CDKAL1: variants seen among roughly 807,000 people sequenced by gnomAD.
The protein encoded by CDKAL1 is CDKAL1 threonylcarbamoyladenosine tRNA methylthiotransferase, also known as threonylcarbamoyladenosine tRNA methylthiotransferase.
In CDKAL1, 32 loss-of-function variants were observed where a neutral mutation model predicts 68.2. The observed-to-expected ratio is 0.47, with a 90% CI of 0.35 to 0.63. The LOEUF (loss-of-function observed/expected upper bound fraction) is 0.63. CDKAL1 is among the 30% of genes least tolerant of loss of function. The probability of loss-of-function intolerance (pLI) is 0.00; values close to 1 mark genes in which losing one functional copy is unlikely to be tolerated. For synonymous variants in CDKAL1, 234 were observed against 244.3 expected (o/e 0.96, Z 0.39); for missense variants, 606 against 696.7 (o/e 0.87, Z 1.47).
chr6:21,107,266 TAACTAGTTGGCTGTAATAAGAG>T lies in CDKAL1; in HGVS notation c.1237-1131_1237-1110del, dbSNP rs541407872. ...CCGGCCAAAAAAGCCACTTTTATAT[TAACTAGTTGGCTGTAATAAGAG>T]AACCTCATACTTCTTGGTTGTCACA... On this transcript the variant is annotated intron_variant, in intron 12 of 15. Coordinates refer to ENST00000274695, the MANE Select transcript of CDKAL1 (RefSeq NM_017774.3). Among the ~76,000 whole-genome samples, 784 of 151,936 alleles carry T rather than the reference TAACTAGTTGGCTGTAATAAGAG, an allele frequency of 5.2e-3. 7 individuals carry two copies. Among genetic ancestry groups the T allele is most frequent in the African/African-American group, 0.018 (746 of 41,450 alleles).
At chr6:20,853,798 T>C (rs1343416921) in intron 9 of CDKAL1, among the ~76,000 whole-genome samples, 1 of 152,156 alleles carries the variant, frequency 6.6e-6, no homozygotes, top group Non-Finnish European at 1.5e-5. Context: ...AATTTTTTGG[T>C]TGAAGCTGTA....
intron 15 of CDKAL1, among the ~76,000 whole-genome samples, chr6:21,226,503 G>A (rs1457160930): frequency 2.6e-5 from 4 of 152,144 alleles, no homozygotes; most frequent in Non-Finnish European, 5.9e-5. Flanking sequence ...ATGCACGATG[G>A]GAATTTTAGT....
intron 8 of CDKAL1, among the ~76,000 whole-genome samples, chr6:20,826,181 C>T (rs910290934): frequency 6.6e-6 from 1 of 152,120 alleles, no homozygotes; most frequent in South Asian, 2.1e-4. Flanking sequence ...CTCATGGGCT[C>T]AACCTAGGTG....
At chr6:21,096,755 TATAAC>T (rs1227240834) in intron 12 of CDKAL1, among the ~76,000 whole-genome samples, 1 of 152,218 alleles carries the variant, frequency 6.6e-6, no homozygotes, top group Non-Finnish European at 1.5e-5. Context: ...TTAAAAAATT[TATAAC>T]ATAGCAGAAC....
chr6:20,964,145 A>G (rs958379426), intron 10 of CDKAL1, among the ~76,000 whole-genome samples: 1 of 152,246 alleles, frequency 6.6e-6, no homozygotes, highest in Non-Finnish European at 1.5e-5. Flanking sequence ...CTATTATTAA[A>G]AAGTCAAAAA....
chr6:21,001,242 C>T (rs1382535375), intron 11 of CDKAL1, among the ~76,000 whole-genome samples: 1 of 151,980 alleles, frequency 6.6e-6, no homozygotes, highest in East Asian at 1.9e-4. Context: ...TTTTTATTTC[C>T]ATCGTCTTGT....
At chr6:21,044,329 G>C (rs1260919899) in intron 11 of CDKAL1, among the ~76,000 whole-genome samples, 2 of 152,026 alleles carry the variant, frequency 1.3e-5, no homozygotes, top group Non-Finnish European at 2.9e-5. Flanking sequence ...CTGCTTTCTT[G>C]CCTCTTACTT....
intron 5 of CDKAL1, among the ~76,000 whole-genome samples, chr6:20,683,529 C>A (rs1259154470): frequency 6.6e-6 from 1 of 152,132 alleles, no homozygotes; most frequent in Non-Finnish European, 1.5e-5. Flanking sequence ...TCTTTTATTT[C>A]TCTCACAGTG....
At chr6:20,931,629 T>C (rs972094402) in intron 9 of CDKAL1, among the ~76,000 whole-genome samples, 1 of 152,164 alleles carries the variant, frequency 6.6e-6, no homozygotes, top group African/African-American at 2.4e-5. Flanking sequence ...CACAGTAATA[T>C]TGGGAAAAAA....
At chr6:20,999,239 T>A (rs1767289791) in intron 10 of CDKAL1, among the ~76,000 whole-genome samples, 1 of 152,154 alleles carries the variant, frequency 6.6e-6, no homozygotes, top group Non-Finnish European at 1.5e-5. Context: ...CTTTTCTTTT[T>A]CTTTTTTTCT....
chr6:21,205,011 T>C (rs1778842125), intron 15 of CDKAL1, among the ~76,000 whole-genome samples: 1 of 152,240 alleles, frequency 6.6e-6, no homozygotes, highest in Admixed American at 6.5e-5. Context: ...ATTTGATTAC[T>C]TTTGGTACCT....
intron 13 of CDKAL1, among the ~76,000 whole-genome samples, chr6:21,185,116 T>C (rs940355388): frequency 6.6e-6 from 1 of 152,134 alleles, no homozygotes; most frequent in African/African-American, 2.4e-5. Flanking sequence ...GTTGCAGTGG[T>C]TCCTATCTAC....
chr6:20,872,196 A>G (rs1760258274), intron 9 of CDKAL1, among the ~76,000 whole-genome samples: 1 of 152,198 alleles, frequency 6.6e-6, no homozygotes. Context: ...TTAGAACAGC[A>G]ATATGAATAA....
chr6:21,061,759 A>G (rs1469341961), intron 11 of CDKAL1, among the ~76,000 whole-genome samples: 1 of 152,196 alleles, frequency 6.6e-6, no homozygotes, highest in Non-Finnish European at 1.5e-5. Context: ...GAATGTAAGT[A>G]GGATCATTTG....
intron 9 of CDKAL1, among the ~76,000 whole-genome samples, chr6:20,926,384 G>A (rs555024668): frequency 1.3e-5 from 2 of 152,090 alleles, no homozygotes; most frequent in African/African-American, 4.8e-5. Flanking sequence ...TTACACTGTG[G>A]AGAAATTCAG....
chr6:20,830,612 T>C (rs1020162918), intron 8 of CDKAL1, among the ~76,000 whole-genome samples: 8 of 152,134 alleles, frequency 5.3e-5, no homozygotes, highest in African/African-American at 1.9e-4. Flanking sequence ...ATGGGTAATG[T>C]TCTACCACTG....
intron 11 of CDKAL1, among the ~76,000 whole-genome samples, chr6:21,063,844 A>T (rs1771273102): frequency 6.6e-6 from 1 of 152,214 alleles, no homozygotes; most frequent in Non-Finnish European, 1.5e-5. Context: ...TTCAAAAGAA[A>T]GGAGTCCCTG....
chr6:20,813,237 G>T (rs763562042), intron 8 of CDKAL1, among the ~76,000 whole-genome samples: 6 of 152,072 alleles, frequency 3.9e-5, no homozygotes, highest in Admixed American at 1.3e-4. Flanking sequence ...CATGGGCCAT[G>T]GTGCCTGGCC....
intron 4 of CDKAL1, among the ~76,000 whole-genome samples, chr6:20,586,984 T>TC (rs1409883043): frequency 7.3e-6 from 1 of 136,692 alleles, no homozygotes; most frequent in East Asian, 2.1e-4. Flanking sequence ...AGGTGTTTTT[T>TC]TTTTTTTTTT....
Sources: gnomAD v4.1 joint callset for allele counts (sites outside exome capture counted in the v4.1 genomes callset) on GRCh38, gnomAD v4.1.1 for gene constraint, MANE v1.5 for transcripts, NCBI Gene and HGNC (gene_info 2026-07-23, HGNC 2026-07-21) for gene names.